RNF213: variants seen among roughly 807,000 people sequenced by gnomAD.
The protein encoded by RNF213 is E3 ubiquitin-protein ligase RNF213.
Under a neutral mutation model 514.4 loss-of-function variants are expected in RNF213, and 341 were observed. The observed-to-expected ratio is 0.66, with a 90% confidence interval of 0.61 to 0.73. RNF213 has a LOEUF of 0.73. Ranked by LOEUF, RNF213 falls within the 30% of genes least tolerant of loss-of-function variation. The pLI, the probability that RNF213 is intolerant of heterozygous loss-of-function variation, is 0.00. For synonymous variants in RNF213, 2,655 were observed against 2,658.2 expected (o/e 1.00, Z 0.04); for missense variants, 5,767 against 6,615.6 (o/e 0.87, Z 4.45).
intron 47 of RNF213, 44 bp downstream of exon 47, chr17:80,372,029 T>G: frequency 1.0e-6 from 1 of 993,502 alleles, no homozygotes; most frequent in Non-Finnish European, 1.6e-6. Flanking sequence ...GGAAACTATC[T>G]GAACCACATG....
At position 80,290,557 on chromosome 17, in the gene RNF213, G is replaced by A; in HGVS notation, c.1113-13G>A. 6.2e-7 allele frequency: 1 copy of A among 1,613,416 alleles called. No homozygotes were observed. Among genetic ancestry groups the A allele is most frequent in the Non-Finnish European group, 8.5e-7 (1 of 1,180,032 alleles). On this transcript the variant is annotated splice_polypyrimidine_tract_variant and intron_variant, in intron 6 of 67. Coordinates refer to ENST00000582970, the MANE Select transcript of RNF213 (RefSeq NM_001256071.3). The stretch of plus-strand genomic sequence containing the variant: ...CTCACGGGAATCAGATTTCTGTTTT[G>A]GTTTTCCACCAGCACGCTGAGCCCG...
Position 80,347,489 on chromosome 17 carries a change from C to G in RNF213, c.9154C>G (p.Leu3052Val). The G allele has an allele frequency of 6.2e-7, 1 of 1,614,118 alleles. No homozygotes were observed. Among genetic ancestry groups the G allele is most frequent in the Non-Finnish European group, 8.5e-7 (1 of 1,180,038 alleles). The change falls in exon 29 of 68, where the codon CTG (leucine) becomes GTG (valine). Residue 3052 changes from leucine to valine, a missense_variant. Around this residue, in one of 13 missense-constraint regions of RNF213, gnomAD observed 919 missense variants for 1,121.0 expected, o/e 0.82. Coordinates refer to ENST00000582970, the MANE Select transcript of RNF213 (RefSeq NM_001256071.3). This position sits in a 1 kb window ranked among gnomAD's most constrained non-coding sequence, Gnocchi z 7.2. The part of the protein sequence containing the change: ...LLVLTKNYVA[L>V]QILQQTFFEG... Reference sequence around the variant, plus strand: ...CGTGCTGACCAAAAACTACGTGGCACTGCAGATCCTGCAGCAGACATTCTT... The same window carrying G: ...CGTGCTGACCAAAAACTACGTGGCAGTGCAGATCCTGCAGCAGACATTCTT...
chr17:80,325,228 G>C, intron 18 of RNF213, 30 bp downstream of exon 18: 1 of 1,510,918 alleles, frequency 6.6e-7, no homozygotes, highest in Non-Finnish European at 8.9e-7. Context: ...GGGAACATCA[G>C]CTCAGGCAAG....
rs1404503824 is a variant in RNF213, at chr17:80,358,268, A to C, written c.10863-20A>C. On this transcript the variant is annotated intron_variant, in intron 36 of 67. Transcript: ENST00000582970. The stretch of plus-strand genomic sequence containing the variant: ...TGGTTCCTCTGACCCGTGGTGGCCC[A>C]TCTCTCTTCTGTGCTGCAGGCACAC... The C allele has an allele frequency of 6.2e-7, 1 of 1,612,944 alleles. No individual in the cohort carries two copies. Among genetic ancestry groups the C allele is most frequent in the Non-Finnish European group, 8.5e-7 (1 of 1,179,480 alleles).
At chr17:80,381,771 C>A in intron 57 of RNF213, 44 bp downstream of exon 57, 1 of 1,573,302 alleles carries the variant, frequency 6.4e-7, no homozygotes, top group Non-Finnish European at 8.7e-7. Flanking sequence ...CACAGCACAA[C>A]GGCAGCGCAA....
chr17:80,350,254 T>C, intron 30 of RNF213, 47 bp from the exon 31 acceptor site: 1 of 1,219,452 alleles, frequency 8.2e-7, no homozygotes, highest in Admixed American at 1.7e-5. Context: ...TCTTTTCCAT[T>C]TTTTTAAGAC....
chr17:80,285,498 A>AGTGAAG (rs2044438102), intron 3 of RNF213, among the ~76,000 whole-genome samples: 1 of 152,158 alleles, frequency 6.6e-6, no homozygotes, highest in Admixed American at 6.5e-5. Context: ...GGGTGCCTGC[A>AGTGAAG]GTGAAGGGTT....
At chr17:80,376,646 TCTC>T in intron 52 of RNF213, 103 bp downstream of exon 52, 1 of 1,477,484 alleles carries the variant, frequency 6.8e-7, no homozygotes, top group Non-Finnish European at 9.3e-7. Flanking sequence ...AGCATCTTTA[TCTC>T]CTCAGTTCTC....
intron 23 of RNF213, 41 bp from the exon 24 acceptor site, chr17:80,337,540 TCCTCG>T (rs1267143832): frequency 3.3e-6 from 5 of 1,530,594 alleles, no homozygotes; most frequent in Non-Finnish European, 4.4e-6. Context: ...AAGGGCAAGA[TCCTCG>T]CTCCAACCGT....
intron 3 of RNF213, among the ~76,000 whole-genome samples, chr17:80,278,135 C>T (rs1352675563): frequency 1.3e-5 from 2 of 152,216 alleles, no homozygotes; most frequent in East Asian, 3.9e-4. Flanking sequence ...CTGCCGGAGC[C>T]AGGGGTCATT....
Position 80,328,473 on chromosome 17 carries a change from AC to A in RNF213, c.3514del (p.Gln1172LysfsTer9). 1.3e-6 allele frequency: 2 copies of A among 1,537,280 alleles called. No individual in the cohort carries two copies. Among genetic ancestry groups the A allele is most frequent in the Non-Finnish European group, 1.7e-6 (2 of 1,146,902 alleles). On this transcript the variant is annotated frameshift_variant, in exon 20 of 68. Coordinates refer to ENST00000582970, the MANE Select transcript of RNF213 (RefSeq NM_001256071.3). LOFTEE classifies it high-confidence loss of function. ...KMCGNVKHLIQVDFGVLAVRH... is the reference protein window; with the variant it reads ...KMCGNVKHLIXVDFGVLAVRH... ...TGTGTGGGAACGTGAAACATCTGATACAAGGTGGTATTCCTGAGAAGTGAAC... is the reference window on the plus strand; with the variant it reads ...TGTGTGGGAACGTGAAACATCTGATAAAGGTGGTATTCCTGAGAAGTGAAC...
rs189521535 is a variant in RNF213, at chr17:80,340,733, G to A, written c.5989+377G>A. The A allele has an allele frequency of 2.2e-4, 40 of 183,554 alleles. No homozygotes were observed. In the Admixed American group the frequency reaches 2.4e-3, roughly 11 times the overall value. 11.4% of individuals were successfully genotyped at this position (183,554 alleles called of 1,614,324 possible). On this transcript the variant is annotated intron_variant, in intron 26 of 67. Transcript: ENST00000582970. Reference sequence around the variant, plus strand: ...TTTTCTGGGTTCAAGCAATTATCCTGCCTCAGCCTCCTGAGTAGCTGGGAT... The same window carrying A: ...TTTTCTGGGTTCAAGCAATTATCCTACCTCAGCCTCCTGAGTAGCTGGGAT...
At chr17:80,381,375 C>A (rs2144597821) in intron 56 of RNF213, 172 bp from the exon 57 acceptor site, 1 of 717,624 alleles carries the variant, frequency 1.4e-6, no homozygotes, top group South Asian at 1.5e-5. Context: ...GAAAAGCCAG[C>A]AGCCGTTCCG....
At position 80,343,240 on chromosome 17, in the gene RNF213, G is replaced by C. The variant is rs1056352055; in HGVS notation, c.6098G>C (p.Ser2033Thr). The change falls in exon 27 of 68, where the codon AGC (serine) becomes ACC (threonine). Residue 2033 changes from serine (S) to threonine (T), a missense_variant. Transcript: ENST00000582970. This position sits in a 1 kb window ranked among gnomAD's most constrained non-coding sequence, Gnocchi z 4.3. Reference protein sequence around the residue: ...IRLIDPQVDESRVLGALLPFL... With the variant: ...IRLIDPQVDETRVLGALLPFL... ...CTGATCGACCCTCAGGTGGATGAGA[G>C]CCGAGTCCTGGGCGCCCTGCTGCCC... The C allele has an allele frequency of 1.9e-6, 3 of 1,614,028 alleles. No homozygotes were observed. Among genetic ancestry groups the C allele is most frequent in the Non-Finnish European group, 2.5e-6 (3 of 1,179,922 alleles).
intron 2 of RNF213, among the ~76,000 whole-genome samples, chr17:80,270,081 C>T (rs1391379119): frequency 3.3e-5 from 5 of 152,238 alleles, no homozygotes. Flanking sequence ...GTGTCCTCTT[C>T]TAGACATCTC....
chr17:80,332,073 G>A lies in RNF213; in HGVS notation c.3585G>A (p.Val1195=), dbSNP rs1424108213. Residue 1195 remains valine, a synonymous_variant, in exon 21 of 68, where the codon GTG becomes GTA. Coordinates refer to ENST00000582970, the MANE Select transcript of RNF213 (RefSeq NM_001256071.3). ...DLSSKRLNDT[V]TVRLSTSSNS... Reference sequence around the variant, plus strand: ...GCAGTAAAAGATTAAATGACACCGTGACAGTGAGACTGTCCACCTCCTCGA... The same window carrying A: ...GCAGTAAAAGATTAAATGACACCGTAACAGTGAGACTGTCCACCTCCTCGA... The A allele has an allele frequency of 2.0e-6, 3 of 1,537,180 alleles. No homozygotes were observed. The highest frequency in any genetic ancestry group is 2.4e-5 in the East Asian group (1 of 40,920).
intron 25 of RNF213, 110 bp from the exon 26 acceptor site, chr17:80,339,091 G>C: frequency 3.6e-6 from 3 of 839,504 alleles, no homozygotes; most frequent in South Asian, 4.0e-5. Context: ...TCATGCAGTG[G>C]GCCTGTGGAC....
chr17:80,357,065 C>G (rs936814527), intron 36 of RNF213, among the ~76,000 whole-genome samples: 1 of 151,982 alleles, frequency 6.6e-6, no homozygotes, highest in African/African-American at 2.4e-5. Flanking sequence ...ATTACAGGTG[C>G]CTGCCACCAC....
intron 14 of RNF213, among the ~76,000 whole-genome samples, chr17:80,309,857 G>A (rs1240872121): frequency 6.6e-6 from 1 of 151,966 alleles, no homozygotes; most frequent in Admixed American, 6.6e-5. Flanking sequence ...CTGGGTTCAC[G>A]CCATTCTCCT....
Sources: gnomAD v4.1 joint callset for allele counts (sites outside exome capture counted in the v4.1 genomes callset) on GRCh38, gnomAD v4.1.1 for gene constraint, gnomAD v4.1.1 regional missense constraint, Gnocchi (gnomAD v3.1) non-coding constraint, MANE v1.5 for transcripts, NCBI Gene and HGNC (gene_info 2026-07-23, HGNC 2026-07-21) for gene names.